Variants in NRG3 observed in about 807,000 individuals in gnomAD.
The protein encoded by NRG3 is neuregulin 3.
NRG3 carries 31 observed loss-of-function variants against 66.9 expected under a neutral mutation model. The observed-to-expected ratio is 0.46, with a 90% CI of 0.35 to 0.63. The LOEUF is 0.63. Among genes scored for constraint, NRG3 ranks in the 20% least tolerant of loss-of-function variants. The pLI, the probability that NRG3 is intolerant of heterozygous loss-of-function variation, is 0.00. For synonymous variants in NRG3, 393 were observed against 359.4 expected, an observed-to-expected ratio of 1.09 and a Z score of -1.06; for missense variants, 910 against 878.9, an observed-to-expected ratio of 1.04 and a Z score of -0.45.
chr10:81,898,600 G>A (rs1318294927), intron 1 of NRG3, among the ~76,000 whole-genome samples: 1 of 152,116 alleles, frequency 6.6e-6, no homozygotes, highest in Non-Finnish European at 1.5e-5. Flanking sequence ...GCTGCAGTAT[G>A]ACTTGATGTA....
intron 2 of NRG3, among the ~76,000 whole-genome samples, chr10:82,363,043 T>A (rs1200175664): frequency 6.6e-6 from 1 of 152,212 alleles, no homozygotes; most frequent in Non-Finnish European, 1.5e-5. Flanking sequence ...AGCATTTTTT[T>A]ATCTGAATAT....
In NRG3 at chr10:82,606,050, A is replaced by G. The variant is rs572381666; in HGVS notation, c.954-132527A>G. ...ATCAACTTCTGCTCTAATTTTGTATATGTCTTTTCTTCAGCTTACTTTAAA... is the reference window on the plus strand; with the variant it reads ...ATCAACTTCTGCTCTAATTTTGTATGTGTCTTTTCTTCAGCTTACTTTAAA... On this transcript the variant is annotated intron_variant, in intron 2 of 8. Coordinates refer to ENST00000372141, the MANE Select transcript of NRG3 (RefSeq NM_001010848.4). 4.0e-3 allele frequency among the ~76,000 whole-genome samples: 603 copies of G among 152,072 alleles called. 5 individuals carry two copies. The highest frequency in any genetic ancestry group is 7.4e-3 in the Non-Finnish European group (502 of 67,946).
At chr10:82,191,405 A>G (rs978298623) in intron 1 of NRG3, among the ~76,000 whole-genome samples, 6 of 152,138 alleles carry the variant, frequency 3.9e-5, no homozygotes, top group African/African-American at 1.2e-4. Flanking sequence ...CCAATTATGT[A>G]TAAATGCAAC....
At chr10:81,972,156 A>G (rs961334084) in intron 1 of NRG3, among the ~76,000 whole-genome samples, 1 of 152,186 alleles carries the variant, frequency 6.6e-6, no homozygotes, top group African/African-American at 2.4e-5. Flanking sequence ...CCACCTCCAA[A>G]GTTGTAAAGC....
At chr10:82,045,925 A>G (rs1332140185) in intron 1 of NRG3, among the ~76,000 whole-genome samples, 1 of 151,188 alleles carries the variant, frequency 6.6e-6, no homozygotes, top group Non-Finnish European at 1.5e-5. Context: ...CCATTGATTT[A>G]TATCTCTGTT....
At chr10:82,914,955 C>G (rs918849977) in intron 4 of NRG3, among the ~76,000 whole-genome samples, 4 of 152,104 alleles carry the variant, frequency 2.6e-5, no homozygotes, top group Non-Finnish European at 5.9e-5. Context: ...TAAATGAAAA[C>G]TTTTTCTTTT....
chr10:82,684,470 T>C (rs2054350457), intron 2 of NRG3, among the ~76,000 whole-genome samples: 1 of 152,166 alleles, frequency 6.6e-6, no homozygotes, highest in African/African-American at 2.4e-5. Flanking sequence ...CCAATGCCAT[T>C]GAAAACCAAA....
Position 82,643,050 on chromosome 10 carries a change from C to T in NRG3, c.954-95527C>T, listed in dbSNP as rs922500556. Among the ~76,000 whole-genome samples, 3 of 152,156 alleles carry T rather than the reference C, an allele frequency of 2.0e-5. No homozygotes were observed. The East Asian group carries it at 5.8e-4, about 29-fold the overall frequency. On this transcript the variant is annotated intron_variant, in intron 2 of 8. Coordinates refer to ENST00000372141, the MANE Select transcript of NRG3 (RefSeq NM_001010848.4). ...TATTATACTCTTCTGCCTACCTTTACATATTTTTGAAATTTAATAATAAAA... is the reference window on the plus strand; with the variant it reads ...TATTATACTCTTCTGCCTACCTTTATATATTTTTGAAATTTAATAATAAAA...
At chr10:82,937,696 A>G (rs527810968) in intron 4 of NRG3, among the ~76,000 whole-genome samples, 1 of 152,350 alleles carries the variant, frequency 6.6e-6, no homozygotes, top group South Asian at 2.1e-4. Flanking sequence ...AGCTGGTTAT[A>G]GTAACTCGGC....
chr10:81,942,906 G>C (rs915747950), intron 1 of NRG3, among the ~76,000 whole-genome samples: 2 of 152,096 alleles, frequency 1.3e-5, no homozygotes, highest in Non-Finnish European at 2.9e-5. Flanking sequence ...AAAGAACCTA[G>C]AAACATTAAT....
intron 4 of NRG3, among the ~76,000 whole-genome samples, chr10:82,904,654 A>T (rs1366960396): frequency 6.6e-6 from 1 of 152,170 alleles, no homozygotes; most frequent in African/African-American, 2.4e-5. Context: ...AGGCATATGA[A>T]TGGGATATGC....
At chr10:82,576,956 C>T (rs1318548954) in intron 2 of NRG3, among the ~76,000 whole-genome samples, 14 of 151,740 alleles carry the variant, frequency 9.2e-5, no homozygotes, top group Non-Finnish European at 1.9e-4. Context: ...ATTCTGGACT[C>T]TTCATCTCAA....
intron 1 of NRG3, among the ~76,000 whole-genome samples, chr10:82,248,200 T>C (rs554413838): frequency 7.2e-5 from 11 of 152,350 alleles, no homozygotes; most frequent in African/African-American, 2.4e-4. Context: ...AAAATTCTAA[T>C]CTGCTTTGAC....
intron 2 of NRG3, among the ~76,000 whole-genome samples, chr10:82,391,493 A>C (rs538397759): frequency 6.6e-6 from 1 of 152,164 alleles, no homozygotes; most frequent in Non-Finnish European, 1.5e-5. Context: ...TAGTGAAGCT[A>C]CGTGGCCAAA....
At chr10:82,212,432 C>T (rs2075444111) in intron 1 of NRG3, among the ~76,000 whole-genome samples, 1 of 152,204 alleles carries the variant, frequency 6.6e-6, no homozygotes, top group Non-Finnish European at 1.5e-5. Context: ...GAACTTAACA[C>T]TTCTCCAGTG....
intron 2 of NRG3, among the ~76,000 whole-genome samples, chr10:82,455,860 C>T (rs931221935): frequency 3.3e-5 from 5 of 152,104 alleles, no homozygotes; most frequent in African/African-American, 1.2e-4. Flanking sequence ...CCTCTTGATC[C>T]GCCCACTTCT....
rs147571770 is a variant in NRG3, at chr10:82,841,371, A to G, written c.1028-24040A>G. 3.7e-3 allele frequency among the ~76,000 whole-genome samples: 561 copies of G among 152,342 alleles called. 1 individual carries two copies. Among genetic ancestry groups the G allele is most frequent in the Non-Finnish European group, 6.4e-3 (434 of 68,038 alleles). On this transcript the variant is annotated intron_variant, in intron 3 of 8. Transcript: ENST00000372141. ...CCCCACTCCTTGTACCAAAATGCGT[A>G]TCAGCGTTCTCTAGAGAAACAGAAG... is the stretch of plus-strand genomic sequence containing the variant.
chr10:82,727,474 C>G (rs771830913), intron 2 of NRG3, among the ~76,000 whole-genome samples: 2 of 152,216 alleles, frequency 1.3e-5, no homozygotes, highest in Non-Finnish European at 2.9e-5. Context: ...GGTGCAAGCA[C>G]CAAGCCTTGG....
intron 2 of NRG3, among the ~76,000 whole-genome samples, chr10:82,664,478 G>C (rs1398384878): frequency 6.6e-6 from 1 of 152,094 alleles, no homozygotes; most frequent in African/African-American, 2.4e-5. Context: ...TTAATTAATA[G>C]GAAGATTGGT....
Sources: allele counts gnomAD v4.1 joint callset (sites outside exome capture counted in the v4.1 genomes callset), GRCh38; gene constraint gnomAD v4.1.1; transcripts MANE v1.5; gene names NCBI Gene and HGNC (gene_info 2026-07-23, HGNC 2026-07-21).